The following ZNF138 variants were observed in gnomAD, a reference collection of about 807,000 sequenced individuals.
The protein encoded by ZNF138 is zinc finger protein 138 (clone pHZ-32).
ZNF138 carries 33 observed loss-of-function variants against 33.0 expected under a neutral mutation model. The ratio of observed to expected loss-of-function variants is 1.00; its 90% CI spans 0.76 to 1.34. The LOEUF (loss-of-function observed/expected upper bound fraction) is 1.34. Among genes scored for constraint, ZNF138 ranks in the 40% most tolerant of loss-of-function variants. The probability of loss-of-function intolerance (pLI) is 0.00; values close to 1 mark genes in which losing one functional copy is unlikely to be tolerated. For missense variants in ZNF138, 360 were observed against 370.8 expected, an observed-to-expected ratio of 0.97 and a Z score of 0.24; for synonymous variants, 139 against 120.4, an observed-to-expected ratio of 1.15 and a Z score of -1.01.
At position 64,831,941 on chromosome 7, in the gene ZNF138, C is replaced by G. The variant is rs751768160; in HGVS notation, c.699C>G (p.His233Gln). The G allele has an allele frequency of 1.7e-5, 28 of 1,613,238 alleles. No individual in the cohort carries two copies. The highest frequency in any genetic ancestry group is 4.0e-5 in the African/African-American group (3 of 74,842). Residue 233 changes from histidine (H) to glutamine (Q), a missense_variant, in exon 4 of 4, where the codon CAC becomes CAG. Physicochemically the swap from His to Gln is conservative, Grantham distance 24. Coordinates refer to ENST00000307355, the MANE Select transcript of ZNF138 (RefSeq NM_001271639.2). ...YKCEVCGKAF[H>Q]QSSILTKHKI... ...GTGAAGTATGTGGAAAAGCCTTTCA[C>G]CAATCCTCAATCCTTACTAAACATA...
At chr7:64,822,359 T>A (rs1789239194) in intron 3 of ZNF138, among the ~76,000 whole-genome samples, 1 of 151,726 alleles carries the variant, frequency 6.6e-6, no homozygotes, top group Non-Finnish European at 1.5e-5. Context: ...TAATGTTGTG[T>A]CTAAGAAAGT....
chr7:64,812,839 A>G (rs894719566), intron 1 of ZNF138, among the ~76,000 whole-genome samples: 29 of 99,964 alleles, frequency 2.9e-4, no homozygotes, highest in African/African-American at 7.7e-4. Context: ...GAGAAAGGGG[A>G]AAAAAATTGC....
chr7:64,816,004 C>T (rs1391693854), intron 3 of ZNF138, among the ~76,000 whole-genome samples: 1 of 151,162 alleles, frequency 6.6e-6, no homozygotes, highest in Admixed American at 6.6e-5. Flanking sequence ...TTTAAGTTCT[C>T]TTTTTGCATC....
At chr7:64,817,478 C>T (rs1167221652) in intron 3 of ZNF138, among the ~76,000 whole-genome samples, 1 of 151,636 alleles carries the variant, frequency 6.6e-6, no homozygotes. Flanking sequence ...TTAGCAGTTT[C>T]ACAACTCCCT....
chr7:64,846,567 T>C, the ZNF138 span, among the ~76,000 whole-genome samples: 5 of 152,342 alleles, frequency 3.3e-5, no homozygotes, highest in East Asian at 9.7e-4. Context: ...TTCAGCTTGG[T>C]TGCTGTTGGT....
At chr7:64,807,166 T>G (rs2128992242) in intron 1 of ZNF138, among the ~76,000 whole-genome samples, 1 of 152,358 alleles carries the variant, frequency 6.6e-6, no homozygotes, top group South Asian at 2.1e-4. Context: ...TGGCTTGCTG[T>G]TAATGAATAC....
Position 64,794,465 on chromosome 7 carries a change from T to G in ZNF138, c.-104T>G, listed in dbSNP as rs1786523053. 1 of 1,568,740 alleles carries G rather than the reference T, an allele frequency of 6.4e-7. No individual in the cohort carries two copies. The highest frequency in any genetic ancestry group is 8.7e-7 in the Non-Finnish European group (1 of 1,144,544). ...CGGGTGCTGCAGGTCTGGCCTTCAC[T>G]TTTCTGCGTCCTCTTACTCCTAGAG... On this transcript the variant is annotated 5_prime_UTR_variant, in exon 1 of 4. Transcript: ENST00000307355.
the ZNF138 span, among the ~76,000 whole-genome samples, chr7:64,842,308 C>CT: frequency 8.0e-6 from 1 of 125,158 alleles, no homozygotes; most frequent in Non-Finnish European, 1.9e-5. Context: ...GTGATCTGCC[C>CT]TCCTCTGCCT....
intron 3 of ZNF138, among the ~76,000 whole-genome samples, chr7:64,821,395 A>G (rs1789136108): frequency 6.6e-6 from 1 of 150,722 alleles, no homozygotes; most frequent in South Asian, 2.1e-4. Flanking sequence ...AGCCTAGGTA[A>G]TTGTTTTTTA....
the ZNF138 span, among the ~76,000 whole-genome samples, chr7:64,851,512 A>G: frequency 4.6e-5 from 7 of 152,166 alleles, no homozygotes; most frequent in Non-Finnish European, 2.9e-5. Context: ...AAAGGCCTGA[A>G]ATCACTATAC....
At chr7:64,804,451 A>C (rs1294495914) in intron 1 of ZNF138, among the ~76,000 whole-genome samples, 1 of 152,116 alleles carries the variant, frequency 6.6e-6, no homozygotes, top group Non-Finnish European at 1.5e-5. Flanking sequence ...TGGAGTTGTG[A>C]GTCTTGCTGA....
intron 3 of ZNF138, among the ~76,000 whole-genome samples, chr7:64,823,537 T>G (rs1450789599): frequency 1.3e-5 from 2 of 152,184 alleles, no homozygotes; most frequent in African/African-American, 4.8e-5. Flanking sequence ...GACATCACTA[T>G]GTTGCCCAGG....
Position 64,815,578 on chromosome 7 carries a change from C to T in ZNF138, c.133C>T (p.Leu45=). The T allele has an allele frequency of 1.9e-6, 3 of 1,610,650 alleles. No homozygotes were observed. The highest frequency in any genetic ancestry group is 2.5e-6 in the Non-Finnish European group (3 of 1,178,786). ...ENYRNLVFLD[L]ITCLEQGKEP... Reference sequence around the variant, plus strand: ...AAGTATTGCTATCTCTAAGCCAGACCTGATTACCTGTCTGGAACAAGGAAA... The same window carrying T: ...AAGTATTGCTATCTCTAAGCCAGACTTGATTACCTGTCTGGAACAAGGAAA... Residue 45 remains leucine, a splice_region_variant and synonymous_variant, in exon 3 of 4, where the codon CTG becomes TTG. Coordinates refer to ENST00000307355, the MANE Select transcript of ZNF138 (RefSeq NM_001271639.2).
the ZNF138 span, among the ~76,000 whole-genome samples, chr7:64,848,060 G>C: frequency 1.3e-5 from 2 of 152,046 alleles, no homozygotes; most frequent in African/African-American, 4.8e-5. Context: ...AGTGGCAAAT[G>C]CTCTCAGCAT....
chr7:64,816,601 T>C (rs981229515), intron 3 of ZNF138, among the ~76,000 whole-genome samples: 4 of 152,216 alleles, frequency 2.6e-5, no homozygotes, highest in African/African-American at 7.2e-5. Flanking sequence ...CTTTTTGTTT[T>C]TTAATATATT....
Position 64,799,282 on chromosome 7 carries a change from G to A in ZNF138, c.3+4711G>A, listed in dbSNP as rs543595320. On this transcript the variant is annotated intron_variant, in intron 1 of 3. Coordinates refer to ENST00000307355, the MANE Select transcript of ZNF138 (RefSeq NM_001271639.2). ...CTGGATTCAAGTGATTTCTCCTGCC[G>A]CAGCCTCCTGAGTAGCTGGGATTAC... Among the ~76,000 whole-genome samples, 45 of 151,506 alleles carry A rather than the reference G, an allele frequency of 3.0e-4. No individual in the cohort carries two copies. The East Asian group carries it at 3.7e-3, about 13-fold the overall frequency.
At chr7:64,852,993 G>A in the ZNF138 span, 3 of 1,462,364 alleles carry the variant, frequency 2.1e-6, no homozygotes, top group Non-Finnish European at 2.9e-6. Context: ...AGGAGCATCA[G>A]CATATTGTCA....
At chr7:64,844,906 C>T in the ZNF138 span, among the ~76,000 whole-genome samples, 1 of 152,150 alleles carries the variant, frequency 6.6e-6, no homozygotes, top group African/African-American at 2.4e-5. Context: ...AGGCTGGTCT[C>T]GAACCCCTGA....
At chr7:64,795,210 T>A (rs748335459) in intron 1 of ZNF138, among the ~76,000 whole-genome samples, 1 of 152,204 alleles carries the variant, frequency 6.6e-6, no homozygotes, top group Non-Finnish European at 1.5e-5. Context: ...AAACATGAAT[T>A]TTATTTTTCA....
Sources: gnomAD v4.1 joint callset for allele counts (sites outside exome capture counted in the v4.1 genomes callset) on GRCh38, gnomAD v4.1.1 for gene constraint, MANE v1.5 for transcripts, NCBI Gene and HGNC (gene_info 2026-07-23, HGNC 2026-07-21) for gene names.